The following SORCS3 variants were observed in gnomAD, a reference collection of about 807,000 sequenced individuals.
SORCS3 encodes sortilin related VPS10 domain containing receptor 3.
A neutral mutation model predicts 146.3 loss-of-function variants in SORCS3; 57 were observed. The observed-to-expected ratio is 0.39, with a 90% CI of 0.31 to 0.49. SORCS3 has a LOEUF of 0.49. Ranked by LOEUF, SORCS3 falls within the 20% of genes least tolerant of loss-of-function variation. SORCS3 has a pLI of 0.92. For synonymous variants in SORCS3, 653 were observed against 618.5 expected, an observed-to-expected ratio of 1.06 and a Z score of -0.83; for missense variants, 1,341 against 1,575.5, an observed-to-expected ratio of 0.85 and a Z score of 2.52.
chr10:105,181,020 C>A (rs1018650606), intron 14 of SORCS3, among the ~76,000 whole-genome samples: 1 of 152,160 alleles, frequency 6.6e-6, no homozygotes, highest in African/African-American at 2.4e-5. Context: ...CATGTGGATG[C>A]ACACACATGT....
intron 14 of SORCS3, among the ~76,000 whole-genome samples, chr10:105,184,437 A>G (rs1564778757): frequency 6.6e-6 from 1 of 152,198 alleles, no homozygotes. Flanking sequence ...CTGGCCAGAC[A>G]TGGCCCGTGG....
chr10:104,794,643 G>GAA (rs1564685548), intron 1 of SORCS3, among the ~76,000 whole-genome samples: 1 of 151,420 alleles, frequency 6.6e-6, no homozygotes, highest in Non-Finnish European at 1.5e-5. Context: ...GAGAGAGAGA[G>GAA]AGAGAGAGAG....
intron 1 of SORCS3, among the ~76,000 whole-genome samples, chr10:104,795,385 G>A (rs562975345): frequency 6.6e-6 from 1 of 152,326 alleles, no homozygotes; most frequent in South Asian, 2.1e-4. Flanking sequence ...GTTCTTCATA[G>A]AATAAGTTAA....
At chr10:104,892,677 G>A (rs971876666) in intron 2 of SORCS3, among the ~76,000 whole-genome samples, 4 of 152,012 alleles carry the variant, frequency 2.6e-5, no homozygotes, top group East Asian at 1.9e-4. Context: ...AGCCGAGATC[G>A]TGCCACTGCA....
chr10:104,819,683 A>G (rs1025908105), intron 1 of SORCS3, among the ~76,000 whole-genome samples: 1 of 152,028 alleles, frequency 6.6e-6, no homozygotes, highest in African/African-American at 2.4e-5. Context: ...TCTACCTCCT[A>G]CTCACATGCA....
At chr10:104,893,986 C>G (rs1360907249) in intron 2 of SORCS3, among the ~76,000 whole-genome samples, 1 of 152,230 alleles carries the variant, frequency 6.6e-6, no homozygotes, top group African/African-American at 2.4e-5. Context: ...TACTCCCTGT[C>G]AATAAATTAC....
chr10:105,074,171 T>A (rs2055574482), intron 5 of SORCS3, among the ~76,000 whole-genome samples: 1 of 152,208 alleles, frequency 6.6e-6, no homozygotes, highest in Non-Finnish European at 1.5e-5. Context: ...TTCTTTGCTC[T>A]CTTTTTGTCT....
chr10:104,769,379 A>G (rs1171080630), intron 1 of SORCS3, among the ~76,000 whole-genome samples: 1 of 152,198 alleles, frequency 6.6e-6, no homozygotes, highest in Non-Finnish European at 1.5e-5. Flanking sequence ...GTTTCTGGAA[A>G]CAGTTTCAGA....
chr10:105,050,359 G>T (rs1209420468), intron 5 of SORCS3, among the ~76,000 whole-genome samples: 1 of 151,966 alleles, frequency 6.6e-6, no homozygotes, highest in African/African-American at 2.4e-5. Flanking sequence ...TTTCATCTTG[G>T]GTGCATTCTC....
At chr10:105,163,774 C>T (rs1034154169) in intron 11 of SORCS3, among the ~76,000 whole-genome samples, 6 of 151,828 alleles carry the variant, frequency 4.0e-5, no homozygotes, top group East Asian at 1.9e-4. Context: ...TTCTGGGCAC[C>T]GTATAATTTA....
intron 25 of SORCS3, among the ~76,000 whole-genome samples, chr10:105,261,255 A>G (rs2056958624): frequency 6.6e-6 from 1 of 152,228 alleles, no homozygotes; most frequent in African/African-American, 2.4e-5. Context: ...TTGGATAGTC[A>G]GGGGAAGCCT....
intron 2 of SORCS3, among the ~76,000 whole-genome samples, chr10:104,861,368 A>G (rs1029893044): frequency 5.3e-5 from 8 of 152,166 alleles, no homozygotes; most frequent in Non-Finnish European, 2.9e-5. Context: ...TCTCATGTCT[A>G]AAGTACAAGT....
chr10:105,025,837 A>ACACACACACACAC (rs2055224875), intron 4 of SORCS3, among the ~76,000 whole-genome samples: 2 of 135,506 alleles, frequency 1.5e-5, no homozygotes, highest in African/African-American at 5.6e-5. Context: ...TGTCTTCTCA[A>ACACACACACACAC]ACACACACAC....
chr10:104,861,873 A>G (rs568829211), intron 2 of SORCS3, among the ~76,000 whole-genome samples: 3 of 152,188 alleles, frequency 2.0e-5, no homozygotes, highest in Non-Finnish European at 2.9e-5. Flanking sequence ...CATCTCCCCC[A>G]GCTCCTGGTG....
At chr10:104,981,627 A>C (rs772992222) in intron 4 of SORCS3, among the ~76,000 whole-genome samples, 21 of 152,170 alleles carry the variant, frequency 1.4e-4, no homozygotes, top group Non-Finnish European at 1.0e-4. Context: ...AAGACAGTGC[A>C]ATCCTAGAAA....
At chr10:105,041,289 T>A (rs2055336352) in intron 4 of SORCS3, among the ~76,000 whole-genome samples, 1 of 148,900 alleles carries the variant, frequency 6.7e-6, no homozygotes, top group East Asian at 2.0e-4. Flanking sequence ...GAAGAGGTCC[T>A]CTTCCCCACA....
chr10:105,090,728 G>A (rs2133741370), intron 6 of SORCS3, among the ~76,000 whole-genome samples: 1 of 152,218 alleles, frequency 6.6e-6, no homozygotes, highest in Non-Finnish European at 1.5e-5. Context: ...TCTCTGGGCT[G>A]TAACTCCCTC....
At chr10:105,046,137 C>T (rs539466169) in intron 5 of SORCS3, among the ~76,000 whole-genome samples, 87 of 151,986 alleles carry the variant, frequency 5.7e-4, no homozygotes, top group African/African-American at 1.9e-3. Context: ...GGTTGGGGAA[C>T]GCTGAGTGGA....
intron 7 of SORCS3, among the ~76,000 whole-genome samples, chr10:105,114,599 G>T (rs966954095): frequency 6.6e-6 from 1 of 152,140 alleles, no homozygotes; most frequent in Non-Finnish European, 1.5e-5. Context: ...GCCTGGGAGG[G>T]TTTGTGCTGA....
Sources: allele counts gnomAD v4.1 joint callset (sites outside exome capture counted in the v4.1 genomes callset), GRCh38; gene constraint gnomAD v4.1.1; transcripts MANE v1.5; gene names NCBI Gene and HGNC (gene_info 2026-07-23, HGNC 2026-07-21).